The following CCDC91 variants were observed in gnomAD, a reference collection of about 807,000 sequenced individuals.
The protein encoded by CCDC91 is coiled-coil domain containing 91.
CCDC91 carries 48 observed loss-of-function variants against 63.2 expected under a neutral mutation model. The observed-to-expected ratio is 0.76, with a 90% CI of 0.60 to 0.97. The LOEUF (loss-of-function observed/expected upper bound fraction) is 0.97, where lower values mean the gene tolerates loss of function less well. Ranked by LOEUF, CCDC91 falls within the 50% of genes least tolerant of loss-of-function variation. The pLI is 0.00. For synonymous variants in CCDC91, 167 were observed against 165.8 expected (o/e 1.01, Z -0.06); for missense variants, 500 against 494.6 (o/e 1.01, Z -0.10).
At chr12:28,475,622 A>C (rs1951041995) in intron 11 of CCDC91, among the ~76,000 whole-genome samples, 1 of 151,942 alleles carries the variant, frequency 6.6e-6, no homozygotes, top group Admixed American at 6.6e-5. Flanking sequence ...GTAATACCAC[A>C]TTTTGGCCCC....
intron 1 of CCDC91, among the ~76,000 whole-genome samples, chr12:28,237,436 T>C (rs536836527): frequency 3.3e-4 from 50 of 152,172 alleles, no homozygotes; most frequent in Non-Finnish European, 6.6e-4. Flanking sequence ...CTAAATACTA[T>C]CACAAGTGTC....
intron 11 of CCDC91, among the ~76,000 whole-genome samples, chr12:28,468,559 T>C (rs1225759302): frequency 2.0e-5 from 3 of 152,070 alleles, no homozygotes; most frequent in Admixed American, 1.3e-4. Context: ...TTCCAATTAA[T>C]AGATGAGGAT....
At chr12:28,463,412 A>G (rs1314816558) in intron 11 of CCDC91, among the ~76,000 whole-genome samples, 1 of 152,222 alleles carries the variant, frequency 6.6e-6, no homozygotes, top group Non-Finnish European at 1.5e-5. Flanking sequence ...CTGGCACAAA[A>G]AGGACAAGAG....
intron 6 of CCDC91, among the ~76,000 whole-genome samples, chr12:28,358,175 A>G (rs1270288660): frequency 3.3e-5 from 5 of 152,194 alleles, no homozygotes; most frequent in African/African-American, 4.8e-5. Context: ...AGATAGAGAA[A>G]TGTACCCAAA....
intron 11 of CCDC91, among the ~76,000 whole-genome samples, chr12:28,467,867 G>A (rs1169745953): frequency 1.3e-5 from 2 of 151,946 alleles, no homozygotes; most frequent in African/African-American, 4.8e-5. Context: ...TGATCAGTGT[G>A]TCAATGAAGA....
chr12:28,354,529 C>A (rs2138346353), intron 6 of CCDC91, among the ~76,000 whole-genome samples: 1 of 152,244 alleles, frequency 6.6e-6, no homozygotes, highest in East Asian at 1.9e-4. Context: ...ATTCAACCCA[C>A]TACAAGTACC....
intron 8 of CCDC91, among the ~76,000 whole-genome samples, chr12:28,394,732 C>CTCTCTCTCTCTCTCTCTCT (rs371886485): frequency 4.0e-4 from 61 of 151,510 alleles, no homozygotes; most frequent in Non-Finnish European, 6.2e-4. Flanking sequence ...CTCTCTCTCT[C>CTCTCTCTCTCTCTCTCTCT]CCCCTTTTTC....
chr12:28,524,513 T>G (rs1243223452), intron 12 of CCDC91, among the ~76,000 whole-genome samples: 4 of 152,170 alleles, frequency 2.6e-5, no homozygotes, highest in Non-Finnish European at 4.4e-5. Context: ...AGTATTTTGT[T>G]GAGGTTTTTT....
intron 8 of CCDC91, among the ~76,000 whole-genome samples, chr12:28,392,224 C>T (rs1945992294): frequency 6.6e-6 from 1 of 152,030 alleles, no homozygotes; most frequent in South Asian, 2.1e-4. Context: ...AGTGAAATAC[C>T]AGGCTGCCAG....
chr12:28,532,380 T>A (rs1249286819), intron 12 of CCDC91, among the ~76,000 whole-genome samples: 1 of 152,132 alleles, frequency 6.6e-6, no homozygotes, highest in East Asian at 1.9e-4. Flanking sequence ...CTCAAAAAAA[T>A]TGTAATTTAA....
rs554617160 is a variant in CCDC91 at position 28,275,863 on chromosome 12, A to C, written c.109+16421A>C. ...ATCCAGCATATAAACAGAACCAAAA[A>C]CAAAAACCACATGATTATCTCAATA... On this transcript the variant is annotated intron_variant, in intron 3 of 12. Transcript: ENST00000536442. Among the ~76,000 whole-genome samples the C allele has an allele frequency of 5.2e-4, 79 of 152,280 alleles. 1 individual carries two copies. Among genetic ancestry groups the C allele is most frequent in the African/African-American group, 1.8e-3 (76 of 41,552 alleles).
At chr12:28,229,780 A>G (rs1048661766) in intron 1 of CCDC91, among the ~76,000 whole-genome samples, 5 of 141,556 alleles carry the variant, frequency 3.5e-5, no homozygotes, top group Non-Finnish European at 6.2e-5. Flanking sequence ...AATGATGGGG[A>G]CATATTTTGG....
rs146806100 is a variant in CCDC91 at position 28,350,427 on chromosome 12, G to A, written c.577-12011G>A. On this transcript the variant is annotated intron_variant, in intron 6 of 12. Transcript: ENST00000536442. ...TTAGGTAAGAAGTAATTTGAAAAAGGCCATGTCATAATCAGGAGAAATATC... is the reference window on the plus strand; with the variant it reads ...TTAGGTAAGAAGTAATTTGAAAAAGACCATGTCATAATCAGGAGAAATATC... Among the ~76,000 whole-genome samples the A allele has an allele frequency of 3.6e-3, 543 of 152,228 alleles. 7 individuals are homozygous for A. Among genetic ancestry groups the A allele is most frequent in the African/African-American group, 0.012 (511 of 41,558 alleles).
chr12:28,216,584 G>C (rs995418128), intron 1 of CCDC91, among the ~76,000 whole-genome samples: 3 of 151,928 alleles, frequency 2.0e-5, no homozygotes, highest in Non-Finnish European at 4.4e-5. Flanking sequence ...TTTGTATGTA[G>C]AGAAGTTGGG....
intron 1 of CCDC91, among the ~76,000 whole-genome samples, chr12:28,215,642 T>G (rs772869874): frequency 2.0e-4 from 30 of 152,090 alleles, no homozygotes; most frequent in Admixed American, 5.2e-4. Flanking sequence ...GACTAAATAC[T>G]ATGTAAAAGG....
At chr12:28,397,579 T>G (rs1465842406) in intron 8 of CCDC91, among the ~76,000 whole-genome samples, 1 of 152,162 alleles carries the variant, frequency 6.6e-6, no homozygotes, top group African/African-American at 2.4e-5. Flanking sequence ...AGCAAATATT[T>G]TGAGGGGCCT....
At chr12:28,357,982 T>C (rs1459214611) in intron 6 of CCDC91, among the ~76,000 whole-genome samples, 1 of 152,182 alleles carries the variant, frequency 6.6e-6, no homozygotes, top group Non-Finnish European at 1.5e-5. Context: ...TTAGTATGAC[T>C]ATTTGGTTAT....
rs76607649 is a variant in CCDC91 at position 28,430,426 on chromosome 12, A to G, written c.763-19735A>G. ...GCCCTAAAGGAGTTCACACTCTGGA[A>G]TGGAAATCTTATTACTAACATTATA... On this transcript the variant is annotated intron_variant, in intron 8 of 12. Transcript: ENST00000536442. 9.2e-3 allele frequency among the ~76,000 whole-genome samples: 1,402 copies of G among 152,206 alleles called. 27 individuals are homozygous for G. Among genetic ancestry groups the G allele is most frequent in the African/African-American group, 0.032 (1,331 of 41,564 alleles).
intron 6 of CCDC91, chr12:28,319,195 A>G (rs1940223278): frequency 6.6e-6 from 1 of 151,992 alleles, no homozygotes; most frequent in African/African-American, 2.4e-5. Flanking sequence ...ATTTAAGCAA[A>G]TAAACTTCAT....
Sources: allele counts gnomAD v4.1 joint callset (sites outside exome capture counted in the v4.1 genomes callset), GRCh38; gene constraint gnomAD v4.1.1; transcripts MANE v1.5; gene names NCBI Gene and HGNC (gene_info 2026-07-23, HGNC 2026-07-21).